LMF1: variants seen among roughly 807,000 people sequenced by gnomAD.
LMF1 encodes transmembrane protein 112.
LMF1 carries 68 observed loss-of-function variants against 60.6 expected under a neutral mutation model. That is an observed-to-expected ratio of 1.12 (90% CI 0.92 to 1.37). LMF1 has a LOEUF of 1.37. Among genes scored for constraint, LMF1 ranks in the 40% most tolerant of loss-of-function variants. The pLI, the probability that LMF1 is intolerant of heterozygous loss-of-function variation, is 0.00. For synonymous variants in LMF1, 418 were observed against 324.7 expected (o/e 1.29, Z -3.09); for missense variants, 948 against 767.2 (o/e 1.24, Z -2.78).
intron 5 of LMF1, chr16:886,895 C>T (rs2070323585): frequency 7.1e-6 from 1 of 140,864 alleles, no homozygotes; most frequent in Admixed American, 7.3e-5. Context: ...ATTCCCCAGG[C>T]CCGGCACTGC....
intron 10 of LMF1, among the ~76,000 whole-genome samples, 166 bp downstream of exon 10, chr16:868,778 G>GT (rs1423384118): frequency 2.8e-5 from 3 of 107,004 alleles, no homozygotes; most frequent in African/African-American, 2.0e-4. Context: ...ATGTGGGGCG[G>GT]GGGGGGGGGG....
chr16:862,700 C>T (rs1212850787), intron 10 of LMF1, among the ~76,000 whole-genome samples: 4 of 151,694 alleles, frequency 2.6e-5, no homozygotes, highest in Non-Finnish European at 5.9e-5. Flanking sequence ...TCTACAAAAA[C>T]TAAAAAAATT....
chr16:900,572 C>G (rs1335038962), intron 4 of LMF1: 1 of 152,114 alleles, frequency 6.6e-6, no homozygotes, highest in East Asian at 1.9e-4. Context: ...TGCAATGGCA[C>G]GATCTTGGCT....
chr16:879,470 G>T, intron 6 of LMF1, 100 bp downstream of exon 6: 1 of 1,381,036 alleles, frequency 7.2e-7, no homozygotes, highest in Non-Finnish European at 9.9e-7. Flanking sequence ...AAGGGGGCCT[G>T]TAATGCCCCA....
At chr16:958,644 T>C (rs1388154255) in intron 1 of LMF1, among the ~76,000 whole-genome samples, 1 of 152,092 alleles carries the variant, frequency 6.6e-6, no homozygotes, top group Non-Finnish European at 1.5e-5. Context: ...CCCAGCGCTT[T>C]GGGAGGCCGA....
rs1180005381 is a variant in LMF1, at chr16:932,162, C to T, written c.514+2082G>A. Among the ~76,000 whole-genome samples, 3 of 152,242 alleles carry T rather than the reference C, an allele frequency of 2.0e-5. No homozygotes were observed. In the East Asian group the frequency reaches 5.8e-4, roughly 29 times the overall value. On this transcript the variant is annotated intron_variant, in intron 3 of 10. Coordinates refer to ENST00000262301, the MANE Select transcript of LMF1 (RefSeq NM_022773.4). ...CAGCACTGCCTCTGGGAGTCCACTG[C>T]CCCAGGCACTTCCCCCCCACCCTAC...
chr16:869,343 TCA>T (rs1417673379), intron 9 of LMF1: 6 of 649,960 alleles, frequency 9.2e-6, no homozygotes, highest in Admixed American at 2.1e-5. Context: ...TCCCTGAGGC[TCA>T]GTTTTCTGGT....
chr16:864,823 A>G lies in LMF1; in HGVS notation c.1529+4121T>C, dbSNP rs566147659. On this transcript the variant is annotated intron_variant, in intron 10 of 10. Transcript: ENST00000262301. ...TATTTTTAGTAAAGAGGGTTTTGCC[A>G]TGATGGCCAGGCTGATTTTGAACTC... is the stretch of plus-strand genomic sequence containing the variant. 2.6e-5 allele frequency among the ~76,000 whole-genome samples: 4 copies of G among 152,144 alleles called. No homozygotes were observed. In the East Asian group the frequency reaches 7.7e-4, roughly 29 times the overall value.
rs527305866 is a variant in LMF1 at position 865,048 on chromosome 16, TGTAA to T, written c.1529+3892_1529+3895del. Reference sequence around the variant, plus strand: ...TCCCAACCTGCTTTCCTATGGGTTATGTAAGTGTTTTAGAATTCCATTTTGATTT... The same window carrying T: ...TCCCAACCTGCTTTCCTATGGGTTATGTGTTTTAGAATTCCATTTTGATTT... On this transcript the variant is annotated intron_variant, in intron 10 of 10. Transcript: ENST00000262301. Among the ~76,000 whole-genome samples the T allele has an allele frequency of 2.3e-4, 35 of 152,356 alleles. No individual in the cohort carries two copies. In the South Asian group the frequency reaches 3.5e-3, roughly 15 times the overall value.
chr16:860,266 C>G (rs2069419750), intron 10 of LMF1, among the ~76,000 whole-genome samples: 1 of 151,720 alleles, frequency 6.6e-6, no homozygotes, highest in Admixed American at 6.6e-5. Context: ...TTAATTTTTC[C>G]TTTCACAGAT....
At chr16:926,897 C>T (rs2071626064) in intron 3 of LMF1, among the ~76,000 whole-genome samples, 1 of 152,224 alleles carries the variant, frequency 6.6e-6, no homozygotes, top group African/African-American at 2.4e-5. Context: ...GGACGGCACC[C>T]CGGGCCTATG....
At chr16:894,804 C>T (rs1372997422) in intron 4 of LMF1, among the ~76,000 whole-genome samples, 1 of 152,200 alleles carries the variant, frequency 6.6e-6, no homozygotes, top group Non-Finnish European at 1.5e-5. Context: ...GTGCTCCCCT[C>T]CGTGGGCGTG....
At chr16:952,857 AC>A (rs2072518002) in intron 2 of LMF1, among the ~76,000 whole-genome samples, 2 of 133,296 alleles carry the variant, frequency 1.5e-5, no homozygotes, top group Non-Finnish European at 3.2e-5. Flanking sequence ...ACAGACACCC[AC>A]CCCAAACCAG....
upstream of LMF1, among the ~76,000 whole-genome samples, chr16:972,081 G>A (rs940104084): frequency 6.6e-6 from 1 of 152,136 alleles, no homozygotes; most frequent in Middle Eastern, 3.2e-3. Flanking sequence ...TTCACCACCT[G>A]CAGTGTGAGC....
chr16:855,452 C>T (rs1222226029), intron 10 of LMF1: 2 of 354,892 alleles, frequency 5.6e-6, no homozygotes, highest in South Asian at 2.1e-5. Context: ...CCCTGGCTGG[C>T]AAGCCCTCAC....
At position 950,083 on chromosome 16, in the gene LMF1, A is replaced by G. The variant is rs1332498885; in HGVS notation, c.503+4274T>C. 5.0e-5 allele frequency among the ~76,000 whole-genome samples: 5 copies of G among 100,106 alleles called. 1 individual carries two copies. The highest frequency in any genetic ancestry group is 9.4e-5 in the Non-Finnish European group (5 of 53,274). The allele number at this position is 100,106 out of a possible 152,430, so 65.7% of individuals were successfully genotyped here. ...GTCAGCCAACGACAGAGTCAGAGAC[A>G]ACGACAGAGTCAGAGCCAACGACAG... On this transcript the variant is annotated intron_variant, in intron 2 of 10. Coordinates refer to ENST00000262301, the MANE Select transcript of LMF1 (RefSeq NM_022773.4).
At chr16:867,700 G>A (rs148790455) in intron 10 of LMF1, among the ~76,000 whole-genome samples, 15 of 152,264 alleles carry the variant, frequency 9.9e-5, no homozygotes, top group Admixed American at 2.0e-4. Flanking sequence ...CCACCCCACC[G>A]GGGGCTCTGG....
Position 925,746 on chromosome 16 carries a change from C to CTA in LMF1, c.514+8496_514+8497dup, listed in dbSNP as rs561367187. ...GCAAGGCCCTGTCTCTGAAGAAAAA[C>CTA]TATATATATATGCTTTTCTTCTAGG... On this transcript the variant is annotated intron_variant, in intron 3 of 10. Transcript: ENST00000262301. Among the ~76,000 whole-genome samples, 8 of 152,156 alleles carry CTA rather than the reference C, an allele frequency of 5.3e-5. No homozygotes were observed. The East Asian group carries it at 1.5e-3, about 29-fold the overall frequency.
intron 1 of LMF1, chr16:976,463 C>T (rs1160711055): frequency 1.1e-5 from 5 of 453,988 alleles, no homozygotes; most frequent in Non-Finnish European, 1.8e-5. Flanking sequence ...GTCTCAGACA[C>T]CGCCCCCAGG....
Sources: allele counts gnomAD v4.1 joint callset (sites outside exome capture counted in the v4.1 genomes callset), GRCh38; gene constraint gnomAD v4.1.1; transcripts MANE v1.5; gene names NCBI Gene and HGNC (gene_info 2026-07-23, HGNC 2026-07-21).